LNX1: variants seen among roughly 807,000 people sequenced by gnomAD.
The protein encoded by LNX1 is ligand of numb-protein X 1.
A neutral mutation model predicts 68.4 loss-of-function variants in LNX1; 54 were observed. The observed-to-expected ratio is 0.79, with a 90% CI of 0.63 to 0.99. The LOEUF is 0.99. Among genes scored for constraint, LNX1 ranks in the 50% least tolerant of loss-of-function variants. The pLI is 0.00. For synonymous variants in LNX1, 336 were observed against 350.0 expected (o/e 0.96, Z 0.45); for missense variants, 906 against 926.4 (o/e 0.98, Z 0.29).
chr4:53,540,072 AC>A (rs1373344958), intron 2 of LNX1, among the ~76,000 whole-genome samples: 2 of 152,230 alleles, frequency 1.3e-5, no homozygotes, highest in African/African-American at 4.8e-5. Flanking sequence ...TGGCATAGCA[AC>A]TACCCCATTC....
At chr4:53,630,170 C>T (rs1734217051) in intron 1 of LNX1, among the ~76,000 whole-genome samples, 1 of 151,942 alleles carries the variant, frequency 6.6e-6, no homozygotes, top group African/African-American at 2.4e-5. Context: ...TCCAGGAGCT[C>T]CTGCTTAAAA....
At chr4:53,633,798 G>C (rs1467488221) in intron 1 of LNX1, among the ~76,000 whole-genome samples, 1 of 152,176 alleles carries the variant, frequency 6.6e-6, no homozygotes, top group Non-Finnish European at 1.5e-5. Flanking sequence ...ACTAAGATGA[G>C]AGTTTACAGC....
At chr4:53,634,810 GT>G (rs879588929) in intron 1 of LNX1, among the ~76,000 whole-genome samples, 21 of 149,742 alleles carry the variant, frequency 1.4e-4, no homozygotes, top group South Asian at 4.3e-4. Flanking sequence ...AGCCCTCTCT[GT>G]TTTTTTTTCT....
At chr4:53,517,363 T>C (rs1726863519) in intron 2 of LNX1, among the ~76,000 whole-genome samples, 1 of 152,188 alleles carries the variant, frequency 6.6e-6, no homozygotes, top group South Asian at 2.1e-4. Flanking sequence ...TTGTGTGAGA[T>C]AAAAATAAAT....
chr4:53,463,549 G>C (rs1418320963), intron 9 of LNX1, among the ~76,000 whole-genome samples: 2 of 152,050 alleles, frequency 1.3e-5, no homozygotes, highest in Non-Finnish European at 2.9e-5. Flanking sequence ...TTTTTGATCA[G>C]TGACCTCAGA....
At chr4:53,554,848 T>C (rs2109715603) in intron 2 of LNX1, among the ~76,000 whole-genome samples, 1 of 131,424 alleles carries the variant, frequency 7.6e-6, no homozygotes, top group South Asian at 2.2e-4. Flanking sequence ...CGAGACTCTG[T>C]CTCAAAAAAA....
chr4:53,635,573 T>G (rs1297875909), intron 1 of LNX1, among the ~76,000 whole-genome samples: 1 of 152,192 alleles, frequency 6.6e-6, no homozygotes, highest in Non-Finnish European at 1.5e-5. Context: ...TAATCTGTTA[T>G]TAGCTCTGTT....
At chr4:53,497,674 G>A (rs968688949) in intron 5 of LNX1, among the ~76,000 whole-genome samples, 1 of 152,204 alleles carries the variant, frequency 6.6e-6, no homozygotes, top group Non-Finnish European at 1.5e-5. Flanking sequence ...AACCCTGCCA[G>A]GCAGCATAGT....
At chr4:53,635,200 C>T (rs1219310266) in intron 1 of LNX1, among the ~76,000 whole-genome samples, 1 of 152,124 alleles carries the variant, frequency 6.6e-6, no homozygotes, top group Non-Finnish European at 1.5e-5. Context: ...TTTCTTGTCA[C>T]ATGGGGTGAG....
At chr4:53,484,218 T>C (rs1172434631) in intron 6 of LNX1, among the ~76,000 whole-genome samples, 3 of 152,178 alleles carry the variant, frequency 2.0e-5, no homozygotes, top group African/African-American at 7.2e-5. Flanking sequence ...GCAGCATGAA[T>C]GGACTAAGAC....
intron 9 of LNX1, among the ~76,000 whole-genome samples, chr4:53,470,411 T>C (rs1723068828): frequency 6.6e-6 from 1 of 152,138 alleles, no homozygotes; most frequent in South Asian, 2.1e-4. Flanking sequence ...CTGGAAGCAT[T>C]CACTTTGAAA....
At chr4:53,535,038 T>C (rs1253371072) in intron 2 of LNX1, among the ~76,000 whole-genome samples, 1 of 152,226 alleles carries the variant, frequency 6.6e-6, no homozygotes, top group East Asian at 1.9e-4. Context: ...TGATGGGAGA[T>C]GTTTGTCATT....
In LNX1 at chr4:53,463,471, T is replaced by A. The variant is rs78887947; in HGVS notation, c.1893-1878A>T. Reference sequence around the variant, plus strand: ...CAAAGTCATACCTTGGTTAGTTGGGTCTGACTTTGTGGGCATTTTTTTCTT... The same window carrying A: ...CAAAGTCATACCTTGGTTAGTTGGGACTGACTTTGTGGGCATTTTTTTCTT... On this transcript the variant is annotated intron_variant, in intron 9 of 10. Transcript: ENST00000263925. 6.8e-3 allele frequency among the ~76,000 whole-genome samples: 1,031 copies of A among 152,170 alleles called. 17 individuals carry two copies. The highest frequency in any genetic ancestry group is 0.024 in the African/African-American group (989 of 41,540).
chr4:53,624,316 G>A (rs929110980), intron 1 of LNX1, among the ~76,000 whole-genome samples: 2 of 152,100 alleles, frequency 1.3e-5, no homozygotes, highest in Non-Finnish European at 1.5e-5. Flanking sequence ...ATTGGATCAT[G>A]GGGGCAATTT....
intron 2 of LNX1, among the ~76,000 whole-genome samples, chr4:53,510,450 C>A (rs767479556): frequency 4.6e-5 from 7 of 152,180 alleles, no homozygotes; most frequent in Non-Finnish European, 1.0e-4. Context: ...AGAAAACAGG[C>A]CTCCAACTTA....
At chr4:53,560,389 T>C (rs1730201715) in intron 2 of LNX1, among the ~76,000 whole-genome samples, 1 of 152,232 alleles carries the variant, frequency 6.6e-6, no homozygotes, top group African/African-American at 2.4e-5. Flanking sequence ...GGTTTTCTGT[T>C]GTTTTTTATG....
At chr4:53,473,817 G>C (rs116211287) in intron 9 of LNX1, among the ~76,000 whole-genome samples, 1 of 151,946 alleles carries the variant, frequency 6.6e-6, no homozygotes, top group African/African-American at 2.4e-5. Context: ...AAAGTTAAAA[G>C]CCAAGAAAGC....
chr4:53,486,441 C>T (rs1724299127), intron 6 of LNX1, among the ~76,000 whole-genome samples: 2 of 152,150 alleles, frequency 1.3e-5, no homozygotes, highest in East Asian at 3.9e-4. Context: ...TCCATATTCT[C>T]CCCTGTGGAC....
At chr4:53,526,213 T>C (rs775012373) in intron 2 of LNX1, among the ~76,000 whole-genome samples, 2 of 152,164 alleles carry the variant, frequency 1.3e-5, no homozygotes, top group Non-Finnish European at 2.9e-5. Flanking sequence ...CACGGCACAC[T>C]GCTCCCTGAA....
Sources: allele counts gnomAD v4.1 joint callset (sites outside exome capture counted in the v4.1 genomes callset), GRCh38; gene constraint gnomAD v4.1.1; transcripts MANE v1.5; gene names NCBI Gene and HGNC (gene_info 2026-07-23, HGNC 2026-07-21).